ROBO2: variants seen among roughly 807,000 people sequenced by gnomAD.
ROBO2 encodes roundabout homolog 2.
ROBO2 carries 53 observed loss-of-function variants against 160.8 expected under a neutral mutation model. The observed-to-expected ratio is 0.33, with a 90% CI of 0.26 to 0.41. The LOEUF is 0.41. Among genes scored for constraint, ROBO2 ranks in the 10% least tolerant of loss-of-function variants. ROBO2 has a pLI of 1.00. For synonymous variants in ROBO2, 664 were observed against 611.7 expected (o/e 1.09, Z -1.26); for missense variants, 1,577 against 1,722.4 (o/e 0.92, Z 1.49).
intron 2 of ROBO2, among the ~76,000 whole-genome samples, chr3:76,739,821 T>TA (rs1287987969): frequency 6.6e-6 from 1 of 152,178 alleles, no homozygotes; most frequent in East Asian, 1.9e-4. Flanking sequence ...ACATAGATCT[T>TA]AAAATCATTG....
chr3:76,026,766 G>C (rs1416492085), intron 2 of ROBO2, among the ~76,000 whole-genome samples: 1 of 151,930 alleles, frequency 6.6e-6, no homozygotes, highest in Non-Finnish European at 1.5e-5. Flanking sequence ...ATGTGAAGTA[G>C]GGAAGGTGAT....
chr3:77,635,348 T>C (rs2095246223), intron 24 of ROBO2, among the ~76,000 whole-genome samples: 1 of 152,150 alleles, frequency 6.6e-6, no homozygotes, highest in Admixed American at 6.5e-5. Flanking sequence ...GGGAAGAACA[T>C]AAGCTGCATG....
chr3:76,124,573 C>G (rs1170538004), intron 2 of ROBO2, among the ~76,000 whole-genome samples: 1 of 152,006 alleles, frequency 6.6e-6, no homozygotes, highest in Non-Finnish European at 1.5e-5. Flanking sequence ...TTCTCGACAT[C>G]ATTTTCTTTT....
intron 2 of ROBO2, among the ~76,000 whole-genome samples, chr3:76,045,770 C>G (rs913275501): frequency 6.6e-6 from 1 of 152,022 alleles, no homozygotes; most frequent in Non-Finnish European, 1.5e-5. Context: ...CTTTGCTGCT[C>G]AAAACCAAGC....
intron 2 of ROBO2, among the ~76,000 whole-genome samples, chr3:76,415,081 T>C (rs1559910240): frequency 1.3e-5 from 2 of 152,158 alleles, no homozygotes; most frequent in East Asian, 1.9e-4. Context: ...TGTAAATCAT[T>C]AGGGAACAAG....
At chr3:76,734,336 T>A (rs746153113) in intron 2 of ROBO2, among the ~76,000 whole-genome samples, 3 of 152,160 alleles carry the variant, frequency 2.0e-5, no homozygotes, top group Non-Finnish European at 2.9e-5. Context: ...AAGGGGGCAC[T>A]ATTAGTGATT....
intron 2 of ROBO2, among the ~76,000 whole-genome samples, chr3:76,239,322 T>C (rs2107507383): frequency 6.6e-6 from 1 of 151,654 alleles, no homozygotes; most frequent in Non-Finnish European, 1.5e-5. Flanking sequence ...CATGACTTTA[T>C]ATAATATGCA....
chr3:77,277,153 TTTCC>T lies in ROBO2; in HGVS notation c.388+178817_388+178820del, dbSNP rs757507441. ...CCTTCCTTTCTTCCTTCTTTCCTTC[TTTCC>T]TTCTTTCTTTCTTTCTTTCTTTCTT... On this transcript the variant is annotated intron_variant, in intron 2 of 25. Coordinates refer to ENST00000461745, the Ensembl canonical transcript of ROBO2. 8.0e-3 allele frequency among the ~76,000 whole-genome samples: 918 copies of T among 114,360 alleles called. 4 individuals carry two copies. Among genetic ancestry groups the T allele is most frequent in the Middle Eastern group, 0.014 (3 of 208 alleles). 75.0% of individuals were successfully genotyped at this position (114,360 alleles called of 152,430 possible).
intron 2 of ROBO2, among the ~76,000 whole-genome samples, chr3:77,213,158 C>T (rs959987286): frequency 3.9e-5 from 6 of 152,118 alleles, no homozygotes; most frequent in African/African-American, 1.4e-4. Context: ...ATGGTACCAG[C>T]TCCTCCTTGT....
rs201721961 is a variant in ROBO2, at chr3:77,249,899, GT to G, written c.388+151569del. On this transcript the variant is annotated intron_variant, in intron 2 of 25. Transcript: ENST00000461745. The stretch of plus-strand genomic sequence containing the variant: ...AGTTACTAAGTGTTAGATTTAATGG[GT>G]TTTTTTTTTCCTGATTTTCCATATG... 3.3e-4 allele frequency among the ~76,000 whole-genome samples: 49 copies of G among 147,736 alleles called. 1 individual carries two copies. Among genetic ancestry groups the G allele is most frequent in the African/African-American group, 9.4e-4 (38 of 40,284 alleles).
At chr3:76,026,652 T>C (rs540192487) in intron 2 of ROBO2, among the ~76,000 whole-genome samples, 10 of 152,020 alleles carry the variant, frequency 6.6e-5, no homozygotes, top group Non-Finnish European at 1.5e-4. Context: ...AAAGTACATG[T>C]TCTTACATTC....
intron 2 of ROBO2, among the ~76,000 whole-genome samples, chr3:77,257,658 T>A (rs903964261): frequency 6.6e-6 from 1 of 152,218 alleles, no homozygotes; most frequent in Non-Finnish European, 1.5e-5. Context: ...CAGTTGTACT[T>A]GGGTTTTCAG....
At chr3:76,483,346 A>G (rs758874958) in intron 2 of ROBO2, among the ~76,000 whole-genome samples, 5 of 150,068 alleles carry the variant, frequency 3.3e-5, no homozygotes, top group Middle Eastern at 6.8e-3. Flanking sequence ...TTTTAAGTTC[A>G]TGGGTTCCTG....
intron 2 of ROBO2, among the ~76,000 whole-genome samples, chr3:77,130,681 C>T (rs145762290): frequency 2.1e-4 from 32 of 152,252 alleles, no homozygotes; most frequent in African/African-American, 7.7e-4. Flanking sequence ...ACTACAGTCA[C>T]CATGCTTTAT....
chr3:77,627,333 G>T (rs1583373590), intron 23 of ROBO2, among the ~76,000 whole-genome samples: 3 of 151,666 alleles, frequency 2.0e-5, no homozygotes, highest in African/African-American at 7.3e-5. Context: ...AGGTTGGTGT[G>T]CAGTGGCACT....
intron 2 of ROBO2, among the ~76,000 whole-genome samples, chr3:76,580,494 CACTTTAAATATCTT>C (rs1261660988): frequency 1.3e-5 from 2 of 151,502 alleles, no homozygotes; most frequent in Admixed American, 6.6e-5. Flanking sequence ...GTAATTAATT[CACTTTAAATATCTT>C]ACTCTACTTT....
intron 2 of ROBO2, among the ~76,000 whole-genome samples, chr3:76,296,341 A>G (rs1709073726): frequency 6.6e-6 from 1 of 152,204 alleles, no homozygotes; most frequent in African/African-American, 2.4e-5. Flanking sequence ...TTGATGTTTC[A>G]GGACACAAAA....
At chr3:77,221,854 C>CTTTTTTT (rs5850317) in intron 2 of ROBO2, among the ~76,000 whole-genome samples, 41 of 140,278 alleles carry the variant, frequency 2.9e-4, no homozygotes, top group South Asian at 6.7e-4. Context: ...TTTTCTTTTT[C>CTTTTTTT]TTTTTTTTTT....
At chr3:76,366,734 A>C (rs7628069) in intron 2 of ROBO2, among the ~76,000 whole-genome samples, 4,062 of 152,070 alleles carry the variant, frequency 0.027, 163 homozygotes, top group African/African-American at 0.089. Flanking sequence ...ACCATACACC[A>C]AAAAGATTAT....
Sources: gnomAD v4.1 joint callset for allele counts (sites outside exome capture counted in the v4.1 genomes callset) on GRCh38, gnomAD v4.1.1 for gene constraint, MANE v1.5 for transcripts, NCBI Gene and HGNC (gene_info 2026-07-23, HGNC 2026-07-21) for gene names.